The following CALN1 variants were observed in gnomAD, a reference collection of about 807,000 sequenced individuals.
CALN1 encodes calneuron 1, also known as calcium-binding protein 8.
Under a neutral mutation model 30.6 loss-of-function variants are expected in CALN1, and 17 were observed. That is an observed-to-expected ratio of 0.56 (90% confidence interval 0.38 to 0.83). CALN1 has a LOEUF of 0.83. Ranked by LOEUF, CALN1 falls within the 40% of genes least tolerant of loss-of-function variation. The pLI is 0.00. For synonymous variants in CALN1, 156 were observed against 131.4 expected (o/e 1.19, Z -1.28); for missense variants, 291 against 354.9 (o/e 0.82, Z 1.45).
Position 72,157,296 on chromosome 7 carries a change from C to A in CALN1, c.245-51002G>T, listed in dbSNP as rs1278483377. On this transcript the variant is annotated intron_variant, in intron 3 of 6. Coordinates refer to ENST00000395275, the MANE Select transcript of CALN1 (RefSeq NM_031468.4). ...GTCCATGTCCTCAAAAATTCCTGAT[C>A]TAGGAAGATAGACAAGTACCTTAAA... Among the ~76,000 whole-genome samples, 3 of 152,240 alleles carry A rather than the reference C, an allele frequency of 2.0e-5. No individual in the cohort carries two copies. The South Asian group carries it at 6.2e-4, about 32-fold the overall frequency.
chr7:72,096,640 T>C (rs1008761831), intron 4 of CALN1, among the ~76,000 whole-genome samples: 2 of 152,162 alleles, frequency 1.3e-5, no homozygotes, highest in African/African-American at 4.8e-5. Context: ...TTTGCAAAGC[T>C]AGCTGGATTC....
chr7:72,149,202 G>A (rs1279736382), intron 3 of CALN1, among the ~76,000 whole-genome samples: 1 of 151,632 alleles, frequency 6.6e-6, no homozygotes, highest in Admixed American at 6.6e-5. Flanking sequence ...ACAGCGGCTC[G>A]CATCTGTAAT....
intron 3 of CALN1, among the ~76,000 whole-genome samples, chr7:72,130,685 T>C (rs957216381): frequency 2.6e-5 from 4 of 152,148 alleles, no homozygotes; most frequent in African/African-American, 4.8e-5. Context: ...ACAGGTGTTA[T>C]GAGGGACACT....
At chr7:71,828,165 A>G (rs1789041734) in intron 5 of CALN1, among the ~76,000 whole-genome samples, 1 of 152,176 alleles carries the variant, frequency 6.6e-6, no homozygotes, top group Non-Finnish European at 1.5e-5. Context: ...AATTTCCACC[A>G]CTATCCTGAT....
At chr7:71,951,627 C>A (rs200481619) in intron 5 of CALN1, among the ~76,000 whole-genome samples, 36 of 152,116 alleles carry the variant, frequency 2.4e-4, no homozygotes, top group Admixed American at 1.3e-3. Flanking sequence ...ACAACAACAA[C>A]AAAAAACGAA....
chr7:71,802,988 C>A (rs558913983), intron 6 of CALN1, among the ~76,000 whole-genome samples: 1 of 152,170 alleles, frequency 6.6e-6, no homozygotes, highest in African/African-American at 2.4e-5. Context: ...CGCGCCACTG[C>A]ACTCTAGCCT....
In CALN1 at chr7:71,934,588, GAACT is replaced by G. The variant is rs576162510; in HGVS notation, c.501+89065_501+89068del. On this transcript the variant is annotated intron_variant, in intron 5 of 6. Transcript: ENST00000395275. ...CTTTTTAAGCAACCAGCTCTTGAAT[GAACT>G]AACAGAACGAGAACTCACTCATTAC... Among the ~76,000 whole-genome samples the G allele has an allele frequency of 3.9e-5, 6 of 152,248 alleles. No homozygotes were observed. The East Asian group carries it at 9.7e-4, about 25-fold the overall frequency.
intron 5 of CALN1, among the ~76,000 whole-genome samples, chr7:71,818,842 T>G (rs1788423964): frequency 6.6e-6 from 1 of 151,796 alleles, no homozygotes; most frequent in Non-Finnish European, 1.5e-5. Flanking sequence ...CCCGAGTAGC[T>G]GGTATTACAG....
rs531171585 is a variant in CALN1, at chr7:72,233,965, T to C, written c.244+44721A>G. ...GTTGCAGTGAGTCAAGATCACACCA[T>C]TGTACTCCAGCCTGGGCAACAGAGC... On this transcript the variant is annotated intron_variant, in intron 3 of 6. Transcript: ENST00000395275. Among the ~76,000 whole-genome samples the C allele has an allele frequency of 6.6e-5, 10 of 151,874 alleles. No homozygotes were observed. The East Asian group carries it at 1.2e-3, about 18-fold the overall frequency.
At position 72,403,150 on chromosome 7, in the gene CALN1, T is replaced by C. The variant is rs79649852; in HGVS notation, c.119+101A>G. The C allele has an allele frequency of 7.9e-4, 634 of 802,006 alleles. 5 individuals are homozygous for C. The African/African-American group carries it at 0.01, about 13-fold the overall frequency. 49.7% of individuals were successfully genotyped at this position (802,006 alleles called of 1,614,324 possible). On this transcript the variant is annotated intron_variant, in intron 2 of 6. Transcript: ENST00000395275. The stretch of plus-strand genomic sequence containing the variant: ...ATTTCATAGATTCTCCTCTCCAGCC[T>C]AGACACGCAGCAGCGGCAAAGCCTC...
intron 3 of CALN1, among the ~76,000 whole-genome samples, chr7:72,110,102 C>A (rs1206079192): frequency 3.3e-5 from 5 of 152,196 alleles, no homozygotes; most frequent in Non-Finnish European, 7.3e-5. Flanking sequence ...CCTGAACTCT[C>A]TGGGTTACTG....
chr7:72,243,433 C>T (rs1462880804), intron 3 of CALN1, among the ~76,000 whole-genome samples: 4 of 152,204 alleles, frequency 2.6e-5, no homozygotes, highest in Non-Finnish European at 5.9e-5. Flanking sequence ...TTCCTACTCC[C>T]AACTGTCTAA....
intron 3 of CALN1, among the ~76,000 whole-genome samples, chr7:72,206,162 G>A (rs989928456): frequency 2.0e-5 from 3 of 152,102 alleles, no homozygotes; most frequent in East Asian, 3.9e-4. Flanking sequence ...TTCTTCAGAC[G>A]AATTTTAGAA....
the CALN1 span, among the ~76,000 whole-genome samples, chr7:72,480,591 C>T: frequency 2.4e-4 from 37 of 152,110 alleles, no homozygotes; most frequent in Non-Finnish European, 1.8e-4. Flanking sequence ...TTCAGAATTC[C>T]GTAAAGTTCA....
the CALN1 span, among the ~76,000 whole-genome samples, chr7:72,482,240 A>G: frequency 1.3e-5 from 2 of 152,232 alleles, no homozygotes; most frequent in Middle Eastern, 3.4e-3. Context: ...CTTCTGACCC[A>G]TTTGGATTTT....
intron 3 of CALN1, among the ~76,000 whole-genome samples, chr7:72,162,853 A>C (rs1214958535): frequency 6.6e-6 from 1 of 152,234 alleles, no homozygotes; most frequent in African/African-American, 2.4e-5. Flanking sequence ...GATAACTTAA[A>C]GTCTTAATGG....
At chr7:71,966,602 T>A (rs1797541006) in intron 5 of CALN1, among the ~76,000 whole-genome samples, 1 of 152,162 alleles carries the variant, frequency 6.6e-6, no homozygotes, top group East Asian at 1.9e-4. Flanking sequence ...TTATTGTAAG[T>A]TTCCTGAGGC....
intron 5 of CALN1, among the ~76,000 whole-genome samples, chr7:72,003,829 G>T (rs562716888): frequency 6.6e-6 from 1 of 152,074 alleles, no homozygotes; most frequent in African/African-American, 2.4e-5. Flanking sequence ...GAATGATCCC[G>T]AAACCATCCC....
chr7:72,292,016 G>T (rs893201720), intron 2 of CALN1, among the ~76,000 whole-genome samples: 1 of 149,818 alleles, frequency 6.7e-6, no homozygotes, highest in Non-Finnish European at 1.5e-5. Context: ...AAAAAAAAAA[G>T]AATTTCAACA....
Sources: gnomAD v4.1 joint callset for allele counts (sites outside exome capture counted in the v4.1 genomes callset) on GRCh38, gnomAD v4.1.1 for gene constraint, MANE v1.5 for transcripts, NCBI Gene and HGNC (gene_info 2026-07-23, HGNC 2026-07-21) for gene names.